Variants in JCAD observed in about 807,000 individuals in gnomAD.
JCAD encodes junctional cadherin 5-associated protein.
In JCAD, 40 loss-of-function variants were observed where a neutral mutation model predicts 98.0. The ratio of observed to expected loss-of-function variants is 0.41; its 90% CI spans 0.32 to 0.53. The LOEUF is 0.53. JCAD is among the 20% of genes least tolerant of loss of function. The probability of loss-of-function intolerance (pLI) is 0.31; values close to 1 mark genes in which losing one functional copy is unlikely to be tolerated. For missense variants in JCAD, 1,705 were observed against 1,738.1 expected, an observed-to-expected ratio of 0.98 and a Z score of 0.34; for synonymous variants, 691 against 682.3, an observed-to-expected ratio of 1.01 and a Z score of -0.20.
chr10:30,106,064 C>T (rs1052728391), intron 1 of JCAD, among the ~76,000 whole-genome samples: 1 of 151,922 alleles, frequency 6.6e-6, no homozygotes, highest in Non-Finnish European at 1.5e-5. Flanking sequence ...AATATTTGTT[C>T]CTTCACAATT....
At chr10:30,088,354 C>A (rs1456820117) in intron 1 of JCAD, among the ~76,000 whole-genome samples, 1 of 152,060 alleles carries the variant, frequency 6.6e-6, no homozygotes, top group Non-Finnish European at 1.5e-5. Flanking sequence ...CCTAGGAGTT[C>A]CAGAACACAC....
intron 3 of JCAD, among the ~76,000 whole-genome samples, chr10:30,018,272 T>TTTCTTC (rs368491408): frequency 1.3e-5 from 2 of 148,760 alleles, no homozygotes; most frequent in Non-Finnish European, 3.0e-5. Flanking sequence ...CTTATCTTTC[T>TTTCTTC]TTCTTCTTCT....
intron 1 of JCAD, among the ~76,000 whole-genome samples, chr10:30,051,796 A>G (rs549608819): frequency 1.1e-4 from 16 of 152,302 alleles, no homozygotes; most frequent in Non-Finnish European, 2.2e-4. Context: ...GATAAGAAAA[A>G]AAAGGAATAA....
rs569030719 is a variant in JCAD at position 30,020,725 on chromosome 10, G to A, written c.4046-2808C>T. Among the ~76,000 whole-genome samples the A allele has an allele frequency of 3.9e-5, 6 of 152,296 alleles. No individual in the cohort carries two copies. In the South Asian group the frequency reaches 1.0e-3, roughly 26 times the overall value. On this transcript the variant is annotated intron_variant, in intron 3 of 3. Coordinates refer to ENST00000375377, the MANE Select transcript of JCAD (RefSeq NM_020848.4). ...AACAATATAAGACATTAATAGCTGG[G>A]TGCTTCATTTCTGTGCTCAATCAGC...
intron 2 of JCAD, among the ~76,000 whole-genome samples, chr10:30,044,128 T>A (rs1228586190): frequency 1.3e-5 from 2 of 152,108 alleles, no homozygotes; most frequent in Non-Finnish European, 2.9e-5. Flanking sequence ...AAGGCCCTCA[T>A]GAGATACCAC....
chr10:30,070,940 T>C (rs1429122929), intron 1 of JCAD, among the ~76,000 whole-genome samples: 1 of 152,224 alleles, frequency 6.6e-6, no homozygotes, highest in Non-Finnish European at 1.5e-5. Context: ...GAGTCTCGCT[T>C]TATCGCTCAG....
At position 30,029,415 on chromosome 10, in the gene JCAD, C is replaced by T. The variant is rs760185883; in HGVS notation, c.733G>A (p.Glu245Lys). The change falls in exon 3 of 4, where the codon GAA (glutamate) becomes AAA (lysine). Residue 245 changes from glutamate (E) to lysine (K), a missense_variant. By Grantham distance (56) the Glu-to-Lys change is moderately conservative. Coordinates refer to ENST00000375377, the MANE Select transcript of JCAD (RefSeq NM_020848.4). ...VLSPESLSCTEIPIPLNERHS... is the reference protein window; with the variant it reads ...VLSPESLSCTKIPIPLNERHS... ...CTTTCATTTAATGGAATGGGAATTT[C>T]CGTGCAACTCAGGCTCTCGGGGGAA... 33 of 1,613,864 alleles carry T rather than the reference C, an allele frequency of 2.0e-5. No homozygotes were observed. Among genetic ancestry groups the T allele is most frequent in the Non-Finnish European group, 1.8e-5 (21 of 1,180,000 alleles).
chr10:30,095,325 T>C (rs1031341739), intron 1 of JCAD, among the ~76,000 whole-genome samples: 13 of 152,220 alleles, frequency 8.5e-5, no homozygotes, highest in African/African-American at 3.1e-4. Context: ...ATCATTAAAA[T>C]TGATTCTACC....
chr10:30,093,502 A>T (rs1356244509), intron 1 of JCAD, among the ~76,000 whole-genome samples: 2 of 152,252 alleles, frequency 1.3e-5, no homozygotes, highest in Non-Finnish European at 2.9e-5. Flanking sequence ...CCCCTGCAGG[A>T]CTGCAGAACA....
intron 1 of JCAD, among the ~76,000 whole-genome samples, chr10:30,048,385 G>T (rs892018896): frequency 6.6e-6 from 1 of 152,190 alleles, no homozygotes; most frequent in Non-Finnish European, 1.5e-5. Flanking sequence ...AATCAACACA[G>T]TCATGATACA....
At position 30,051,189 on chromosome 10, in the gene JCAD, A is replaced by G. The variant is rs76877824; in HGVS notation, c.-59-3318T>C. Among the ~76,000 whole-genome samples the G allele has an allele frequency of 8.1e-3, 1,230 of 152,300 alleles. 26 individuals are homozygous for G. The highest frequency in any genetic ancestry group is 0.028 in the African/African-American group (1,161 of 41,550). ...TAAAATTAAAAACCATATATTTAAA[A>G]GGAAAAAAATTCTCCTTTATTCTCT... On this transcript the variant is annotated intron_variant, in intron 1 of 3. Transcript: ENST00000375377.
rs758798123 is a variant in JCAD at position 30,026,315 on chromosome 10, T to G, written c.3833A>C (p.Asn1278Thr). The G allele has an allele frequency of 6.2e-7, 1 of 1,614,106 alleles. No homozygotes were observed. The highest frequency in any genetic ancestry group is 1.3e-5 in the African/African-American group (1 of 75,060). The change falls in exon 3 of 4, where the codon AAT becomes ACT. Residue 1278 changes from asparagine (N) to threonine (T), a missense_variant. By Grantham distance (65) the Asn-to-Thr change is moderately conservative (BLOSUM62 0). This residue lies in a region of JCAD where 1,278 missense variants were observed against 1,243.1 expected (regional missense o/e 1.03). Transcript: ENST00000375377. ...CTCGGCGTCCTCCTGGGAGTCGGCATTCCTGAAGCTCAGGACTCTCATCCG... is the reference window on the plus strand; with the variant it reads ...CTCGGCGTCCTCCTGGGAGTCGGCAGTCCTGAAGCTCAGGACTCTCATCCG... ...VSRMRVLSFRNADSQEDAEEL... is the reference protein window; with the variant it reads ...VSRMRVLSFRTADSQEDAEEL...
At chr10:30,032,598 A>G (rs139699129) in intron 2 of JCAD, among the ~76,000 whole-genome samples, 274 of 152,320 alleles carry the variant, frequency 1.8e-3, no homozygotes, top group African/African-American at 6.4e-3. Context: ...TTATTACAGT[A>G]ATGGATTCAT....
Position 30,029,491 on chromosome 10 carries a change from A to G in JCAD, c.657T>C (p.His219=), listed in dbSNP as rs367562412. The G allele has an allele frequency of 2.5e-6, 4 of 1,614,160 alleles. No homozygotes were observed. Among genetic ancestry groups the G allele is most frequent in the Non-Finnish European group, 3.4e-6 (4 of 1,179,984 alleles). ...TCCCTTTGTTTTGAGAATTCAACAC[A>G]TGTTCTCCTTGAATGAATGGGTACA... ...QDLYPFIQGE[H]VLNSQNKGKS... Residue 219 remains histidine (H), a synonymous_variant, in exon 3 of 4, where the codon CAT becomes CAC. Transcript: ENST00000375377.
intron 2 of JCAD, among the ~76,000 whole-genome samples, chr10:30,068,390 C>CAAAAAAAAA (rs34060997): frequency 3.1e-4 from 15 of 48,196 alleles, no homozygotes; most frequent in African/African-American, 1.2e-3. Context: ...AACTCTGTCT[C>CAAAAAAAAA]AAAAAAAAAA....
chr10:30,085,214 T>G (rs772035024), intron 1 of JCAD, among the ~76,000 whole-genome samples: 14 of 152,198 alleles, frequency 9.2e-5, no homozygotes, highest in Non-Finnish European at 1.8e-4. Context: ...TTTATACAAC[T>G]GGTATCAGCA....
chr10:30,023,268 C>A (rs1836704466), intron 3 of JCAD, among the ~76,000 whole-genome samples: 1 of 152,130 alleles, frequency 6.6e-6, no homozygotes, highest in Non-Finnish European at 1.5e-5. Context: ...GAACTCCTGA[C>A]CTCAAGTGAT....
Position 30,047,675 on chromosome 10 carries a change from C to A in JCAD, c.138G>T (p.Gly46=), listed in dbSNP as rs536207760. The change falls in exon 2 of 4, where the codon GGG becomes GGT. Residue 46 remains glycine (G), a synonymous_variant. Transcript: ENST00000375377. ...CGAGGGCCGCAGGGCCATCCTCATG[C>A]CCGTTCTGCAGGCCCTGGCCTGCTC... The part of the protein sequence containing the change: ...GTRAGQGLQN[G]HEDGPAALAH... 3.1e-6 allele frequency: 5 copies of A among 1,614,218 alleles called. No homozygotes were observed. Among genetic ancestry groups the A allele is most frequent in the Admixed American group, 1.7e-5 (1 of 60,036 alleles).
In JCAD at chr10:30,098,401, C is replaced by T. The variant is rs145595745; in HGVS notation, n.128+16966G>A. On this transcript the variant is annotated intron_variant and non_coding_transcript_variant, in intron 1 of 2. Coordinates refer to the JCAD transcript ENST00000465712. ...TTGGAAGGCCCCCTGAATCCCCAACCCATCCCCACCACATCTAGGCCTGGT... is the reference window on the plus strand; with the variant it reads ...TTGGAAGGCCCCCTGAATCCCCAACTCATCCCCACCACATCTAGGCCTGGT... Among the ~76,000 whole-genome samples the T allele has an allele frequency of 2.0e-4, 31 of 152,268 alleles. No individual in the cohort carries two copies. In the East Asian group the frequency reaches 5.6e-3, roughly 27 times the overall value.
Sources: gnomAD v4.1 joint callset for allele counts (sites outside exome capture counted in the v4.1 genomes callset) on GRCh38, gnomAD v4.1.1 for gene constraint, gnomAD v4.1.1 regional missense constraint, MANE v1.5 for transcripts, NCBI Gene and HGNC (gene_info 2026-07-23, HGNC 2026-07-21) for gene names.